TPTE: variants seen among roughly 807,000 people sequenced by gnomAD.
TPTE encodes the protein transmembrane phosphatase with tensin homology, also known as putative tyrosine-protein phosphatase TPTE.
TPTE carries 59 observed loss-of-function variants against 84.1 expected under a neutral mutation model. The ratio of observed to expected loss-of-function variants is 0.70; its 90% CI spans 0.57 to 0.87. TPTE has a LOEUF of 0.87. TPTE is among the 40% of genes least tolerant of loss of function. The probability of loss-of-function intolerance (pLI) is 0.00; values close to 1 mark genes in which losing one functional copy is unlikely to be tolerated. For synonymous variants in TPTE, 130 were observed against 223.5 expected, an observed-to-expected ratio of 0.58 and a Z score of 3.73; for missense variants, 382 against 659.6, an observed-to-expected ratio of 0.58 and a Z score of 4.61.
At chr21:10,559,956 A>T (rs2074762992) in intron 9 of TPTE, among the ~76,000 whole-genome samples, 1 of 152,276 alleles carries the variant, frequency 6.6e-6, no homozygotes, top group African/African-American at 2.4e-5. Flanking sequence ...GAGACTTAAT[A>T]CTTCAATGAG....
intron 3 of TPTE, among the ~76,000 whole-genome samples, chr21:10,537,293 C>T (rs1349606772): frequency 7.2e-5 from 11 of 152,414 alleles, no homozygotes; most frequent in Admixed American, 3.3e-4. Context: ...TGGTGTTGGA[C>T]GATACATATA....
intron 17 of TPTE, among the ~76,000 whole-genome samples, chr21:10,587,554 T>C (rs1416629183): frequency 2.0e-5 from 3 of 152,076 alleles, no homozygotes; most frequent in Admixed American, 6.6e-5. Context: ...TGATTTCTTT[T>C]TTTTTTTTTT....
chr21:10,531,720 C>T (rs993265139), intron 3 of TPTE, among the ~76,000 whole-genome samples: 1 of 152,312 alleles, frequency 6.6e-6, no homozygotes, highest in Non-Finnish European at 1.5e-5. Flanking sequence ...TAACTTTTTG[C>T]CTTATTATTT....
intron 18 of TPTE, among the ~76,000 whole-genome samples, chr21:10,592,073 T>TAGA (rs2075488113): frequency 6.6e-6 from 1 of 152,310 alleles, no homozygotes; most frequent in Admixed American, 6.5e-5. Context: ...GCTGAGGCAG[T>TAGA]AGAATCACTT....
At chr21:10,530,559 T>C (rs1424875170) in intron 3 of TPTE, among the ~76,000 whole-genome samples, 1 of 152,304 alleles carries the variant, frequency 6.6e-6, no homozygotes, top group African/African-American at 2.4e-5. Flanking sequence ...ACAGCATGCA[T>C]CCCCTAGTGA....
intron 10 of TPTE, among the ~76,000 whole-genome samples, chr21:10,562,080 A>G (rs915490204): frequency 6.6e-6 from 1 of 152,308 alleles, no homozygotes. Context: ...AGGGAAGAAA[A>G]CAAGAGTCTC....
chr21:10,579,689 C>G (rs7278781), intron 17 of TPTE, among the ~76,000 whole-genome samples: 2,429 of 148,390 alleles, frequency 0.016, no homozygotes, highest in African/African-American at 0.061. Flanking sequence ...TCTCCAGGTT[C>G]GTCCATATTA....
chr21:10,535,526 G>A (rs1294045100), intron 3 of TPTE, among the ~76,000 whole-genome samples: 2 of 152,292 alleles, frequency 1.3e-5, no homozygotes, highest in Non-Finnish European at 2.9e-5. Flanking sequence ...GGATAAAAGA[G>A]GATGAAGTCA....
At chr21:10,551,638 G>A (rs1187694476) in intron 7 of TPTE, among the ~76,000 whole-genome samples, 2 of 152,236 alleles carry the variant, frequency 1.3e-5, no homozygotes, top group Non-Finnish European at 2.9e-5. Flanking sequence ...ACAACAAAAA[G>A]GTTTAAAAAA....
intron 3 of TPTE, among the ~76,000 whole-genome samples, chr21:10,530,320 C>T (rs950336182): frequency 6.6e-6 from 1 of 152,308 alleles, no homozygotes; most frequent in African/African-American, 2.4e-5. Flanking sequence ...TACATATTGA[C>T]ATATACAGAT....
chr21:10,528,786 C>T (rs2074126505), intron 3 of TPTE, among the ~76,000 whole-genome samples: 1 of 152,312 alleles, frequency 6.6e-6, no homozygotes, highest in Non-Finnish European at 1.5e-5. Context: ...CTTTTAACGT[C>T]TCCCCAAATT....
intron 1 of TPTE, among the ~76,000 whole-genome samples, chr21:10,522,030 G>T (rs1489873052): frequency 2.0e-5 from 3 of 152,196 alleles, no homozygotes; most frequent in Non-Finnish European, 4.4e-5. Context: ...AATGGCCTAG[G>T]AGCCGGAGCC....
chr21:10,540,440 T>G, intron 4 of TPTE, among the ~76,000 whole-genome samples: 1 of 152,430 alleles, frequency 6.6e-6, no homozygotes, highest in South Asian at 2.1e-4. Context: ...CTTTTTATGT[T>G]AGTGTTTGTC....
At chr21:10,525,869 T>A in intron 2 of TPTE, among the ~76,000 whole-genome samples, 1 of 152,310 alleles carries the variant, frequency 6.6e-6, no homozygotes, top group Non-Finnish European at 1.5e-5. Context: ...TCTCGTGCCC[T>A]TTTTGGAGAT....
intron 11 of TPTE, among the ~76,000 whole-genome samples, chr21:10,568,590 GACT>G (rs2074974026): frequency 6.6e-6 from 1 of 152,312 alleles, no homozygotes; most frequent in Admixed American, 6.5e-5. Flanking sequence ...AGCTTCCCTG[GACT>G]ACAGCTCAGG....
chr21:10,545,460 T>C (rs1383304407), intron 7 of TPTE, among the ~76,000 whole-genome samples: 1 of 152,310 alleles, frequency 6.6e-6, no homozygotes, highest in Non-Finnish European at 1.5e-5. Flanking sequence ...AAAGTATGTC[T>C]CTGAAGTCAC....
In TPTE at chr21:10,521,632, G is replaced by C. The variant is rs1452656336; in HGVS notation, c.-273G>C. ...TCTGACCCAACAGTTACCCAGCGCCGGACTCGCTGCGCCCCGGCGGCTCTA... is the reference window on the plus strand; with the variant it reads ...TCTGACCCAACAGTTACCCAGCGCCCGACTCGCTGCGCCCCGGCGGCTCTA... On this transcript the variant is annotated 5_prime_UTR_variant, in exon 1 of 24. Transcript: ENST00000618007. The C allele has an allele frequency of 6.7e-6, 1 of 149,116 alleles. No homozygotes were observed. Among genetic ancestry groups the C allele is most frequent in the Admixed American group, 6.9e-5 (1 of 14,580 alleles). The allele number at this position is 149,116 out of a possible 1,614,324, so 9.2% of individuals were successfully genotyped here. A position where few individuals can be genotyped will look rare whatever the true frequency, so the allele number is the denominator to read the frequency against.
At chr21:10,600,400 A>T (rs2075666984) in intron 21 of TPTE, among the ~76,000 whole-genome samples, 1 of 152,306 alleles carries the variant, frequency 6.6e-6, no homozygotes, top group Non-Finnish European at 1.5e-5. Context: ...CAACCTACCA[A>T]AGTGCTAGGA....
At chr21:10,524,083 G>A (rs1227452417) in intron 1 of TPTE, among the ~76,000 whole-genome samples, 5 of 152,310 alleles carry the variant, frequency 3.3e-5, no homozygotes, top group Non-Finnish European at 5.9e-5. Context: ...CTAGGATTCT[G>A]TTTGGGGTTG....
Sources: gnomAD v4.1 joint callset for allele counts (sites outside exome capture counted in the v4.1 genomes callset) on GRCh38, gnomAD v4.1.1 for gene constraint, MANE v1.5 for transcripts, NCBI Gene and HGNC (gene_info 2026-07-23, HGNC 2026-07-21) for gene names.